The following REDIC1 variants were observed in gnomAD, a reference collection of about 807,000 sequenced individuals.
The protein encoded by REDIC1 is regulator of DNA class I crossover intermediates 1, also known as HEI10 Interacting Protein 1.
the REDIC1 span, chr12:39,692,101 C>G: frequency 6.4e-7 from 1 of 1,571,514 alleles, no homozygotes; most frequent in Non-Finnish European, 8.7e-7. Flanking sequence ...CGAATATCTA[C>G]TAAGAAAATC....
chr12:39,859,330 T>TC, the REDIC1 span, among the ~76,000 whole-genome samples: 2 of 110,190 alleles, frequency 1.8e-5, no homozygotes, highest in Admixed American at 2.3e-4. Context: ...TTTTTTTTTT[T>TC]CTGAAAAAAA....
At chr12:39,896,536 GTATGTA>G in the REDIC1 span, among the ~76,000 whole-genome samples, 5 of 146,154 alleles carry the variant, frequency 3.4e-5, no homozygotes, top group African/African-American at 1.3e-4. Flanking sequence ...ATACATGTAT[GTATGTA>G]TGTGTGTATA....
chr12:39,853,829 T>C, the REDIC1 span, among the ~76,000 whole-genome samples: 1 of 152,126 alleles, frequency 6.6e-6, no homozygotes, highest in Non-Finnish European at 1.5e-5. Context: ...ATAAGGAACT[T>C]TGGCCACTAA....
the REDIC1 span, among the ~76,000 whole-genome samples, chr12:39,852,245 G>T: frequency 6.6e-6 from 1 of 152,166 alleles, no homozygotes; most frequent in Non-Finnish European, 1.5e-5. Context: ...AAATAAAGAT[G>T]GACCCGTCTC....
At chr12:39,905,202 G>A in the REDIC1 span, among the ~76,000 whole-genome samples, 1 of 152,038 alleles carries the variant, frequency 6.6e-6, no homozygotes, top group African/African-American at 2.4e-5. Flanking sequence ...TCTGAACACT[G>A]TACTAAAGAA....
At chr12:39,754,744 A>G in the REDIC1 span, among the ~76,000 whole-genome samples, 3 of 152,108 alleles carry the variant, frequency 2.0e-5, no homozygotes, top group East Asian at 5.8e-4. Context: ...TCTGGTTCTG[A>G]CAATAACTAT....
the REDIC1 span, among the ~76,000 whole-genome samples, chr12:39,869,245 G>A: frequency 2.0e-5 from 3 of 152,184 alleles, no homozygotes; most frequent in Non-Finnish European, 4.4e-5. Flanking sequence ...ATACTAATGT[G>A]TTAACAAGGT....
chr12:39,719,065 C>T, the REDIC1 span, among the ~76,000 whole-genome samples: 1 of 152,040 alleles, frequency 6.6e-6, no homozygotes, highest in African/African-American at 2.4e-5. Context: ...TCACAAGTTT[C>T]CTTTTCTTTC....
the REDIC1 span, among the ~76,000 whole-genome samples, chr12:39,712,926 T>C: frequency 1.4e-5 from 2 of 147,340 alleles, no homozygotes; most frequent in Admixed American, 6.8e-5. Context: ...CATATGTGCA[T>C]ATACGTGTAT....
At chr12:39,725,217 C>T in the REDIC1 span, among the ~76,000 whole-genome samples, 2 of 152,102 alleles carry the variant, frequency 1.3e-5, no homozygotes, top group Admixed American at 6.6e-5. Flanking sequence ...TAATACCTTC[C>T]AAATGCTGAC....
At chr12:39,851,599 G>A in the REDIC1 span, among the ~76,000 whole-genome samples, 2 of 152,116 alleles carry the variant, frequency 1.3e-5, no homozygotes, top group African/African-American at 4.8e-5. Flanking sequence ...TAAATGCCAA[G>A]GAGTAATAGG....
the REDIC1 span, among the ~76,000 whole-genome samples, chr12:39,697,610 G>A: frequency 6.6e-6 from 1 of 152,120 alleles, no homozygotes; most frequent in Non-Finnish European, 1.5e-5. Context: ...TAAAAAGCAA[G>A]GGAATGAAGT....
the REDIC1 span, chr12:39,626,333 G>A: frequency 6.2e-7 from 1 of 1,614,172 alleles, no homozygotes; most frequent in Non-Finnish European, 8.5e-7. Flanking sequence ...AAAGATTTGG[G>A]AAGATGAATT....
the REDIC1 span, among the ~76,000 whole-genome samples, chr12:39,836,360 G>C: frequency 2.0e-5 from 3 of 152,076 alleles, no homozygotes; most frequent in Non-Finnish European, 2.9e-5. Flanking sequence ...TTTCTTACTA[G>C]CTGCAGAGAA....
the REDIC1 span, among the ~76,000 whole-genome samples, chr12:39,679,680 C>T: frequency 3.3e-5 from 5 of 152,062 alleles, no homozygotes; most frequent in African/African-American, 7.2e-5. Context: ...CCCCACAGAG[C>T]CAAAGGAAGA....
At chr12:39,667,579 A>C in the REDIC1 span, among the ~76,000 whole-genome samples, 1 of 152,302 alleles carries the variant, frequency 6.6e-6, no homozygotes, top group East Asian at 1.9e-4. Flanking sequence ...GATGTCTGTT[A>C]GGTCTGCTTG....
chr12:39,808,538 T>A, the REDIC1 span, among the ~76,000 whole-genome samples: 1 of 152,142 alleles, frequency 6.6e-6, no homozygotes, highest in Admixed American at 6.5e-5. Flanking sequence ...TTCTGAAGTG[T>A]TTGTACCAAT....
the REDIC1 span, among the ~76,000 whole-genome samples, chr12:39,803,204 CA>C: frequency 0.02 from 1,489 of 73,742 alleles, 6 homozygotes; most frequent in African/African-American, 0.034. Flanking sequence ...GAAGCAAATG[CA>C]AAAAAAAAAA....
the REDIC1 span, among the ~76,000 whole-genome samples, chr12:39,840,872 T>C: frequency 1.3e-5 from 2 of 152,040 alleles, no homozygotes; most frequent in African/African-American, 2.4e-5. Context: ...ACCTGTTGAG[T>C]AAGTAATGAG....
Sources: gnomAD v4.1 joint callset for allele counts (sites outside exome capture counted in the v4.1 genomes callset) on GRCh38, gnomAD v4.1.1 for gene constraint, MANE v1.5 for transcripts, NCBI Gene and HGNC (gene_info 2026-07-23, HGNC 2026-07-21) for gene names.